The following C1QTNF9 variants were observed in gnomAD, a reference collection of about 807,000 sequenced individuals.
C1QTNF9 encodes the protein complement C1q and tumor necrosis factor-related protein 9A.
A neutral mutation model predicts 10.1 loss-of-function variants in C1QTNF9; 6 were observed. That is an observed-to-expected ratio of 0.59 (90% CI 0.32 to 1.17). The LOEUF (loss-of-function observed/expected upper bound fraction) is 1.17. Among genes scored for constraint, C1QTNF9 ranks in the 50% most tolerant of loss-of-function variants. The pLI, the probability that C1QTNF9 is intolerant of heterozygous loss-of-function variation, is 0.04. For missense variants in C1QTNF9, 201 were observed against 418.8 expected, an observed-to-expected ratio of 0.48 and a Z score of 4.54; for synonymous variants, 98 against 163.5, an observed-to-expected ratio of 0.60 and a Z score of 3.06.
chr13:24,308,073 G>A (rs1417834145), upstream of C1QTNF9, among the ~76,000 whole-genome samples: 4 of 152,372 alleles, frequency 2.6e-5, no homozygotes, highest in East Asian at 7.7e-4. Flanking sequence ...AAGCCTCTCC[G>A]CGTGGCTGGG....
rs1188413571 is a variant in C1QTNF9, at chr13:24,316,231, A to G, written c.166+62A>G. ...TCTCTTCATTCCTTTCATCTCATTC[A>G]CTCATCATCTGTGTGATTTTCCACC... is the stretch of plus-strand genomic sequence containing the variant. On this transcript the variant is annotated intron_variant, in intron 2 of 3. Transcript: ENST00000332018. The G allele has an allele frequency of 1.1e-5, 16 of 1,514,022 alleles. 1 individual carries two copies. Among genetic ancestry groups the G allele is most frequent in the Non-Finnish European group, 1.4e-5 (15 of 1,103,242 alleles). The allele number at this position is 1,514,022 out of a possible 1,614,324, so 93.8% of individuals were successfully genotyped here. A position where few individuals can be genotyped will look rare whatever the true frequency, so the allele number is the denominator to read the frequency against.
At chr13:24,311,515 C>G (rs1415489013) in intron 1 of C1QTNF9, among the ~76,000 whole-genome samples, 2 of 152,164 alleles carry the variant, frequency 1.3e-5, no homozygotes, top group Non-Finnish European at 2.9e-5. Context: ...CTTGATTTGT[C>G]CAAGGCAGTG....
upstream of C1QTNF9, among the ~76,000 whole-genome samples, chr13:24,308,330 G>A (rs955849941): frequency 5.9e-5 from 9 of 152,222 alleles, no homozygotes; most frequent in Non-Finnish European, 1.2e-4. Context: ...CTGCGGTGCA[G>A]GGGTCAGAGA....
At chr13:24,319,612 G>C (rs1878171707) in intron 3 of C1QTNF9, among the ~76,000 whole-genome samples, 1 of 152,136 alleles carries the variant, frequency 6.6e-6, no homozygotes, top group South Asian at 2.1e-4. Context: ...TATTTGTTTA[G>C]CTTGCGGGAG....
chr13:24,310,997 T>C (rs1055002563), intron 1 of C1QTNF9, among the ~76,000 whole-genome samples: 1 of 151,860 alleles, frequency 6.6e-6, no homozygotes, highest in African/African-American at 2.4e-5. Context: ...ATATATTCGA[T>C]GAAGGCAGCC....
chr13:24,317,184 A>C (rs1285697000), intron 2 of C1QTNF9, among the ~76,000 whole-genome samples: 2 of 152,178 alleles, frequency 1.3e-5, no homozygotes, highest in East Asian at 3.9e-4. Flanking sequence ...CAAACAGCCC[A>C]GTCCAAATGA....
upstream of C1QTNF9, among the ~76,000 whole-genome samples, chr13:24,307,607 G>A (rs1442432400): frequency 1.3e-5 from 2 of 152,244 alleles, no homozygotes; most frequent in African/African-American, 4.8e-5. Context: ...ATATCCACCT[G>A]CTTCCCAAAG....
intron 1 of C1QTNF9, among the ~76,000 whole-genome samples, chr13:24,312,970 G>A (rs200661364): frequency 3.6e-3 from 433 of 121,934 alleles, no homozygotes; most frequent in Middle Eastern, 8.8e-3. Context: ...AAAAAAAAAA[G>A]AAAAAAAAAA....
intron 1 of C1QTNF9, among the ~76,000 whole-genome samples, chr13:24,309,984 T>C (rs1217333868): frequency 1.3e-5 from 2 of 151,964 alleles, no homozygotes; most frequent in Non-Finnish European, 2.9e-5. Flanking sequence ...CAACCTCGCC[T>C]CCCGGGTTCA....
chr13:24,313,505 A>G (rs1269751790), intron 1 of C1QTNF9, among the ~76,000 whole-genome samples: 1 of 152,244 alleles, frequency 6.6e-6, no homozygotes, highest in Non-Finnish European at 1.5e-5. Context: ...AGTTTAGCAA[A>G]GGAGGCTCGT....
intron 1 of C1QTNF9, among the ~76,000 whole-genome samples, chr13:24,311,301 C>T (rs1377866396): frequency 5.3e-5 from 8 of 152,144 alleles, no homozygotes; most frequent in South Asian, 4.1e-4. Flanking sequence ...GGTAAAGAAT[C>T]GGAGAATGAG....
chr13:24,307,427 G>T (rs910330518), upstream of C1QTNF9, among the ~76,000 whole-genome samples: 2 of 152,274 alleles, frequency 1.3e-5, no homozygotes, highest in African/African-American at 4.8e-5. Flanking sequence ...CACAGGAGCT[G>T]TGCTAGTGGC....
intron 1 of C1QTNF9, among the ~76,000 whole-genome samples, chr13:24,313,929 A>G (rs1877931601): frequency 6.6e-6 from 1 of 152,244 alleles, no homozygotes; most frequent in African/African-American, 2.4e-5. Flanking sequence ...ACATATTTCT[A>G]CATGACCTTC....
At chr13:24,313,742 A>T (rs1312568769) in intron 1 of C1QTNF9, among the ~76,000 whole-genome samples, 1 of 152,216 alleles carries the variant, frequency 6.6e-6, no homozygotes, top group African/African-American at 2.4e-5. Flanking sequence ...AGGCACTATA[A>T]AAAAGCATTT....
chr13:24,318,348 CACGTA>C (rs1478409232), intron 2 of C1QTNF9, among the ~76,000 whole-genome samples: 1 of 152,156 alleles, frequency 6.6e-6, no homozygotes, highest in Non-Finnish European at 1.5e-5. Context: ...GGGATAGTGT[CACGTA>C]ACCATAGTCA....
chr13:24,316,591 C>T (rs1448867660), intron 2 of C1QTNF9, among the ~76,000 whole-genome samples: 1 of 152,238 alleles, frequency 6.6e-6, no homozygotes, highest in African/African-American at 2.4e-5. Flanking sequence ...CACCCAGCTG[C>T]AGTGCAGGTG....
intron 1 of C1QTNF9, among the ~76,000 whole-genome samples, chr13:24,314,706 T>C (rs1877963596): frequency 6.6e-6 from 1 of 151,878 alleles, no homozygotes; most frequent in South Asian, 2.1e-4. Flanking sequence ...AACCCAGGTG[T>C]GGTGGTGCAT....
intron 1 of C1QTNF9, among the ~76,000 whole-genome samples, chr13:24,312,899 G>C (rs1877886572): frequency 6.7e-6 from 1 of 149,010 alleles, no homozygotes; most frequent in African/African-American, 2.5e-5. Context: ...AGCTTGCAGT[G>C]AGCCAAGATC....
chr13:24,312,031 G>A (rs1163772064), intron 1 of C1QTNF9, among the ~76,000 whole-genome samples: 2 of 152,202 alleles, frequency 1.3e-5, no homozygotes, highest in East Asian at 1.9e-4. Flanking sequence ...TCTATCATGG[G>A]CCCCTAGAAG....
Sources: gnomAD v4.1 joint callset for allele counts (sites outside exome capture counted in the v4.1 genomes callset) on GRCh38, gnomAD v4.1.1 for gene constraint, MANE v1.5 for transcripts, NCBI Gene and HGNC (gene_info 2026-07-23, HGNC 2026-07-21) for gene names.